PRPF8: variants seen among roughly 807,000 people sequenced by gnomAD.
PRPF8 encodes the protein pre-mRNA processing factor 8, also known as pre-mRNA-processing-splicing factor 8.
A neutral mutation model predicts 285.9 loss-of-function variants in PRPF8; 64 were observed. The observed-to-expected ratio is 0.22, with a 90% CI of 0.18 to 0.28. The LOEUF is 0.28. Among genes scored for constraint, PRPF8 ranks in the 10% least tolerant of loss-of-function variants. The pLI, the probability that PRPF8 is intolerant of heterozygous loss-of-function variation, is 1.00. For synonymous variants in PRPF8, 1,325 were observed against 1,118.2 expected (o/e 1.18, Z -3.69); for missense variants, 1,426 against 3,026.7 (o/e 0.47, Z 12.41).
chr17:1,660,699 T>C lies in PRPF8; in HGVS notation c.4637A>G (p.Asn1546Ser). ...CTCTCCAGTGTCAATCACACTCACA[T>C]TGGCTCGATTAATGGTCGGGGACCA... ...LWWSPTINRA[N>S]VYVGFQVQLD... is the part of the protein sequence containing the mutation. The change falls in exon 29 of 43, where the codon AAT becomes AGT. Residue 1546 changes from asparagine (N) to serine (S), a missense_variant and splice_region_variant. Coordinates refer to ENST00000304992, the MANE Select transcript of PRPF8 (RefSeq NM_006445.4). 1 of 1,614,118 alleles carries C rather than the reference T, an allele frequency of 6.2e-7. No homozygotes were observed. The highest frequency in any genetic ancestry group is 8.5e-7 in the Non-Finnish European group (1 of 1,180,034).
intron 24 of PRPF8, among the ~76,000 whole-genome samples, chr17:1,671,576 G>T (rs1301019496): frequency 6.6e-6 from 1 of 152,144 alleles, no homozygotes; most frequent in Non-Finnish European, 1.5e-5. Context: ...ATCAGGCCGG[G>T]TGTGGTGGCT....
At position 1,651,759 on chromosome 17, in the gene PRPF8, T is replaced by G; in HGVS notation, c.6399A>C (p.Pro2133=). Residue 2133 remains proline (P), a synonymous_variant, in exon 40 of 43, where the codon CCA becomes CCC. Transcript: ENST00000304992. The surrounding 1 kb of genome is among the most constrained non-coding windows in gnomAD (Gnocchi z 5.1). The part of the protein sequence containing the change: ...QIAGYLYGVS[P]PDNPQVKEIR... Reference sequence around the variant, plus strand: ...TCTCCTTCACCTGGGGGTTATCTGGTGGGCTCACCCCATATAGGTATCCTG... The same window carrying G: ...TCTCCTTCACCTGGGGGTTATCTGGGGGGCTCACCCCATATAGGTATCCTG... 6.2e-7 allele frequency: 1 copy of G among 1,614,120 alleles called. No homozygotes were observed. The highest frequency in any genetic ancestry group is 2.2e-5 in the East Asian group (1 of 44,882).
chr17:1,679,451 C>A lies in PRPF8; in HGVS notation c.1290-41G>T. 6.2e-7 allele frequency: 1 copy of A among 1,611,942 alleles called. No homozygotes were observed. The highest frequency in any genetic ancestry group is 2.2e-5 in the East Asian group (1 of 44,874). ...CACCAGAGTTTGGCCATCTCTTCTTCCAGACACTCTGCTAAAGGCTGCAAG... is the reference window on the plus strand; with the variant it reads ...CACCAGAGTTTGGCCATCTCTTCTTACAGACACTCTGCTAAAGGCTGCAAG... On this transcript the variant is annotated intron_variant, in intron 9 of 42. Coordinates refer to ENST00000304992, the MANE Select transcript of PRPF8 (RefSeq NM_006445.4). This position sits in a 1 kb window ranked among gnomAD's most constrained non-coding sequence, Gnocchi z 4.7.
chr17:1,677,807 G>T, intron 13 of PRPF8, 113 bp from the exon 14 acceptor site: 1 of 1,384,644 alleles, frequency 7.2e-7, no homozygotes. Flanking sequence ...AGGAATGTAG[G>T]TATGGCAGTA....
chr17:1,676,163 T>A lies in PRPF8; in HGVS notation c.2552+44A>T, dbSNP rs775723778. 6.2e-7 allele frequency: 1 copy of A among 1,612,576 alleles called. No individual in the cohort carries two copies. Among genetic ancestry groups the A allele is most frequent in the Non-Finnish European group, 8.5e-7 (1 of 1,179,976 alleles). ...GGACTCTGAGGATGACGCCATTCCCTGCTGTCACCTTCCCAGCAGGAACCT... is the reference window on the plus strand; with the variant it reads ...GGACTCTGAGGATGACGCCATTCCCAGCTGTCACCTTCCCAGCAGGAACCT... On this transcript the variant is annotated intron_variant, in intron 17 of 42. Transcript: ENST00000304992. The surrounding 1 kb of genome is among the most constrained non-coding windows in gnomAD (Gnocchi z 6.3).
intron 24 of PRPF8, among the ~76,000 whole-genome samples, chr17:1,664,001 C>A (rs373284513): frequency 6.6e-6 from 1 of 152,072 alleles, no homozygotes; most frequent in Non-Finnish European, 1.5e-5. Flanking sequence ...AAATGATGGA[C>A]CTGAAAGACA....
chr17:1,652,158 CAAGA>C (rs1001442464), intron 39 of PRPF8: 19 of 376,900 alleles, frequency 5.0e-5, no homozygotes, highest in African/African-American at 3.3e-4. Flanking sequence ...ACATTATCAC[CAAGA>C]AAGAAAGAGG....
intron 14 of PRPF8, 78 bp from the exon 15 acceptor site, chr17:1,677,250 A>G: frequency 7.3e-7 from 1 of 1,365,890 alleles, no homozygotes; most frequent in East Asian, 2.3e-5. Context: ...CATGCTCCTC[A>G]CTCATTATGG....
rs1250843321 is a variant in PRPF8 at position 1,651,852 on chromosome 17, G to A, written c.6370-64C>T. 1 of 1,576,136 alleles carries A rather than the reference G, an allele frequency of 6.3e-7. No homozygotes were observed. Among genetic ancestry groups the A allele is most frequent in the East Asian group, 2.2e-5 (1 of 44,710 alleles). On this transcript the variant is annotated intron_variant, in intron 39 of 42. Transcript: ENST00000304992. This position sits in a 1 kb window ranked among gnomAD's most constrained non-coding sequence, Gnocchi z 5.1. ...TACCAGGTCAGAGTTGGAGCTGCCA[G>A]CCCTCTGTTTCCTTCCTTCCCCCAA...
At chr17:1,669,482 A>G (rs1912190152) in intron 24 of PRPF8, among the ~76,000 whole-genome samples, 1 of 152,056 alleles carries the variant, frequency 6.6e-6, no homozygotes, top group Admixed American at 6.6e-5. Flanking sequence ...CTGTCATTCA[A>G]AAACACCTGC....
Position 1,684,592 on chromosome 17 carries a change from G to A in PRPF8, c.-11-10C>T, listed in dbSNP as rs770666886. 2 of 1,611,338 alleles carry A rather than the reference G, an allele frequency of 1.2e-6. No homozygotes were observed. The highest frequency in any genetic ancestry group is 1.7e-5 in the Admixed American group (1 of 59,976). On this transcript the variant is annotated splice_polypyrimidine_tract_variant and intron_variant, in intron 1 of 42. Coordinates refer to ENST00000304992, the MANE Select transcript of PRPF8 (RefSeq NM_006445.4). ...GCCATATCCGGAGAATCTGGGGAGCGGCGGGATAGAAAAATTCACTAACCA... is the reference window on the plus strand; with the variant it reads ...GCCATATCCGGAGAATCTGGGGAGCAGCGGGATAGAAAAATTCACTAACCA...
rs1366034263 is a variant in PRPF8, at chr17:1,659,469, T to G, written c.5026A>C (p.Ile1676Leu). 2 of 1,613,996 alleles carry G rather than the reference T, an allele frequency of 1.2e-6. No homozygotes were observed. The highest frequency in any genetic ancestry group is 1.7e-6 in the Non-Finnish European group (2 of 1,180,020). The change falls in exon 32 of 43, where the codon ATT becomes CTT. Residue 1676 changes from isoleucine to leucine, a missense_variant. Physicochemically the swap from Ile to Leu is conservative, Grantham distance 5. Coordinates refer to ENST00000304992, the MANE Select transcript of PRPF8 (RefSeq NM_006445.4). The surrounding 1 kb of genome is among the most constrained non-coding windows in gnomAD (Gnocchi z 5.1). Reference sequence around the variant, plus strand: ...AACTTGGCCCGGGCGTAGCGCTCAATGTCGTGGGAATCATAGTCCCCCCAG... The same window carrying G: ...AACTTGGCCCGGGCGTAGCGCTCAAGGTCGTGGGAATCATAGTCCCCCCAG... ...LRWGDYDSHD[I>L]ERYARAKFLD...
rs1912594572 is a variant in PRPF8, at chr17:1,676,193, A to G, written c.2552+14T>C. On this transcript the variant is annotated intron_variant, in intron 17 of 42. Coordinates refer to ENST00000304992, the MANE Select transcript of PRPF8 (RefSeq NM_006445.4). The surrounding 1 kb of genome is among the most constrained non-coding windows in gnomAD (Gnocchi z 6.3). Reference sequence around the variant, plus strand: ...TCACCTTCCCAGCAGGAACCTATCTACCCTACTACTCACCTATAAGCTTCC... The same window carrying G: ...TCACCTTCCCAGCAGGAACCTATCTGCCCTACTACTCACCTATAAGCTTCC... The G allele has an allele frequency of 6.2e-7, 1 of 1,613,026 alleles. No individual in the cohort carries two copies. The highest frequency in any genetic ancestry group is 8.5e-7 in the Non-Finnish European group (1 of 1,179,934).
At chr17:1,668,625 G>A (rs1481993299) in intron 24 of PRPF8, among the ~76,000 whole-genome samples, 1 of 152,052 alleles carries the variant, frequency 6.6e-6, no homozygotes, top group Non-Finnish European at 1.5e-5. Context: ...GCCTCCCAAA[G>A]TGCTGGGATT....
At chr17:1,655,107 G>A (rs150990489) in intron 37 of PRPF8, 97 of 490,006 alleles carry the variant, frequency 2.0e-4, no homozygotes, top group Non-Finnish European at 2.4e-4. Context: ...ACAGGTAGGC[G>A]CCATCGCACC....
rs1309646473 is a variant in PRPF8, at chr17:1,680,735, G to A, written c.1089C>T (p.His363=). Residue 363 remains histidine, a synonymous_variant, in exon 8 of 43, where the codon CAC becomes CAT. Transcript: ENST00000304992. ...CCCTTCCCTTCCTCACCTTGACTGA[G>A]TGCCTATGGGAGATTGGGTTGATCA... is the stretch of plus-strand genomic sequence containing the variant. The part of the protein sequence containing the change: ...DPLINPISHR[H]SVKSQEPLPD... The A allele has an allele frequency of 6.2e-7, 1 of 1,612,446 alleles. No homozygotes were observed. Among genetic ancestry groups the A allele is most frequent in the Non-Finnish European group, 8.5e-7 (1 of 1,178,434 alleles).
At position 1,653,169 on chromosome 17, in the gene PRPF8, A is replaced by C; in HGVS notation, c.6369+373T>G. 2.6e-6 allele frequency: 1 copy of C among 385,958 alleles called. No homozygotes were observed. Among genetic ancestry groups the C allele is most frequent in the Non-Finnish European group, 4.9e-6 (1 of 202,406 alleles). 23.9% of individuals were successfully genotyped at this position (385,958 alleles called of 1,614,324 possible). On this transcript the variant is annotated intron_variant, in intron 39 of 42. Transcript: ENST00000304992. The surrounding 1 kb of genome is among the most constrained non-coding windows in gnomAD (Gnocchi z 4.9). ...TGGTCAGGCTGGTCTCAAACCCCTG[A>C]CCTCAGGTGATCCACCCACCTAGGC...
chr17:1,673,306 C>A lies in PRPF8; in HGVS notation c.3657+51G>T. 1.2e-6 allele frequency: 2 copies of A among 1,609,730 alleles called. No homozygotes were observed. The highest frequency in any genetic ancestry group is 8.5e-7 in the Non-Finnish European group (1 of 1,176,760). ...ACCCAACAAGACTCCGGTGACTGACCCAGGAAGTGCAGGCGCGTTCATGTC... is the reference window on the plus strand; with the variant it reads ...ACCCAACAAGACTCCGGTGACTGACACAGGAAGTGCAGGCGCGTTCATGTC... On this transcript the variant is annotated intron_variant, in intron 23 of 42. Transcript: ENST00000304992. The surrounding 1 kb of genome is among the most constrained non-coding windows in gnomAD (Gnocchi z 5.5).
chr17:1,668,459 T>C (rs2151121816), intron 24 of PRPF8, among the ~76,000 whole-genome samples: 1 of 151,308 alleles, frequency 6.6e-6, no homozygotes, highest in South Asian at 2.1e-4. Context: ...CCTCCCAGGT[T>C]CCTGCCATTC....
Sources: gnomAD v4.1 joint callset for allele counts (sites outside exome capture counted in the v4.1 genomes callset) on GRCh38, gnomAD v4.1.1 for gene constraint, Gnocchi (gnomAD v3.1) non-coding constraint, MANE v1.5 for transcripts, NCBI Gene and HGNC (gene_info 2026-07-23, HGNC 2026-07-21) for gene names.